ARHGEF28: variants seen among roughly 807,000 people sequenced by gnomAD.
ARHGEF28 encodes 190 kDa guanine nucleotide exchange factor.
In ARHGEF28, 152 loss-of-function variants were observed where a neutral mutation model predicts 206.6. The observed-to-expected ratio is 0.74, with a 90% CI of 0.64 to 0.84. ARHGEF28 has a LOEUF of 0.84. ARHGEF28 is among the 40% of genes least tolerant of loss of function. The probability of loss-of-function intolerance (pLI) is 0.00; values close to 1 mark genes in which losing one functional copy is unlikely to be tolerated. For missense variants in ARHGEF28, 2,028 were observed against 2,073.2 expected (o/e 0.98, Z 0.42); for synonymous variants, 763 against 776.4 (o/e 0.98, Z 0.29).
At chr5:73,656,820 A>G (rs981713295) in intron 1 of ARHGEF28, among the ~76,000 whole-genome samples, 4 of 151,988 alleles carry the variant, frequency 2.6e-5, no homozygotes, top group African/African-American at 9.7e-5. Flanking sequence ...TTCATCTTCT[A>G]TTACTCTCCA....
chr5:73,747,311 A>T (rs1459396420), intron 2 of ARHGEF28, among the ~76,000 whole-genome samples: 1 of 152,184 alleles, frequency 6.6e-6, no homozygotes, highest in Non-Finnish European at 1.5e-5. Flanking sequence ...GCCATATATG[A>T]AATCGGTGGC....
At chr5:73,626,825 C>T (rs554260413) in intron 1 of ARHGEF28, among the ~76,000 whole-genome samples, 4 of 152,200 alleles carry the variant, frequency 2.6e-5, no homozygotes, top group Non-Finnish European at 4.4e-5. Context: ...GAAGCATCTG[C>T]TGTGTTTCAA....
At position 73,892,239 on chromosome 5, in the gene ARHGEF28, T is replaced by G; in HGVS notation, c.3566+9T>G. On this transcript the variant is annotated intron_variant, in intron 27 of 35. Coordinates refer to ENST00000513042, the MANE Select transcript of ARHGEF28 (RefSeq NM_001177693.2). ...CAGCAGGCTGTAGAAAGGTAACATT[T>G]CCTTCCGTCCATAATCTATGGAACA... 6.4e-7 allele frequency: 1 copy of G among 1,554,614 alleles called. No individual in the cohort carries two copies. The highest frequency in any genetic ancestry group is 2.4e-5 in the East Asian group (1 of 41,504).
intron 4 of ARHGEF28, among the ~76,000 whole-genome samples, chr5:73,768,928 T>C (rs1753060781): frequency 2.0e-5 from 3 of 152,002 alleles, no homozygotes; most frequent in Admixed American, 2.0e-4. Flanking sequence ...GTTCTCATGA[T>C]AGTGAATGAG....
chr5:73,867,791 G>T (rs894635740), intron 18 of ARHGEF28, 85 bp from the exon 19 acceptor site: 3 of 1,565,972 alleles, frequency 1.9e-6, no homozygotes, highest in African/African-American at 1.3e-5. Context: ...TCATTGCAGG[G>T]TTTAGCTTTC....
chr5:73,656,635 C>G (rs1352350961), intron 1 of ARHGEF28, among the ~76,000 whole-genome samples: 1 of 152,156 alleles, frequency 6.6e-6, no homozygotes, highest in African/African-American at 2.4e-5. Context: ...TACCCTTGAT[C>G]CCTCTTAGTC....
intron 1 of ARHGEF28, among the ~76,000 whole-genome samples, chr5:73,671,713 T>C (rs1305206695): frequency 7.5e-5 from 1 of 13,380 alleles, no homozygotes; most frequent in Non-Finnish European, 1.4e-4. Context: ...TATATATATA[T>C]ATATATATAT....
intron 2 of ARHGEF28, among the ~76,000 whole-genome samples, chr5:73,697,275 C>T (rs1413854682): frequency 6.6e-6 from 1 of 152,048 alleles, no homozygotes; most frequent in Non-Finnish European, 1.5e-5. Flanking sequence ...CTCTTTTTAC[C>T]CCCTTCTTTA....
intron 9 of ARHGEF28, among the ~76,000 whole-genome samples, chr5:73,802,244 TTAA>T (rs1755183357): frequency 1.0e-5 from 1 of 96,428 alleles, no homozygotes; most frequent in African/African-American, 5.8e-5. Flanking sequence ...TTTTTGAACA[TTAA>T]GAAGAATCAA....
intron 5 of ARHGEF28, among the ~76,000 whole-genome samples, chr5:73,774,663 G>T (rs935433141): frequency 6.6e-6 from 1 of 152,078 alleles, no homozygotes; most frequent in Non-Finnish European, 1.5e-5. Context: ...GTTAATGAGG[G>T]TATCAACACT....
chr5:73,731,519 T>C (rs1750621905), intron 2 of ARHGEF28, among the ~76,000 whole-genome samples: 1 of 152,232 alleles, frequency 6.6e-6, no homozygotes, highest in Non-Finnish European at 1.5e-5. Context: ...CAAGTTACTG[T>C]GTCATAATGT....
Position 73,806,995 on chromosome 5 carries a change from A to G in ARHGEF28, c.1024+11604A>G, listed in dbSNP as rs116630961. On this transcript the variant is annotated intron_variant, in intron 9 of 35. Coordinates refer to ENST00000513042, the MANE Select transcript of ARHGEF28 (RefSeq NM_001177693.2). ...TATAGTCAGTTAAACTTTGCATTTT[A>G]AAATTATTAAGTCTGTGAACAAGTC... 5.1e-3 allele frequency among the ~76,000 whole-genome samples: 757 copies of G among 149,478 alleles called. 7 individuals carry two copies. The highest frequency in any genetic ancestry group is 0.016 in the African/African-American group (657 of 41,002).
chr5:73,904,514 T>C (rs1762446393), intron 33 of ARHGEF28, 109 bp downstream of exon 33: 3 of 1,220,142 alleles, frequency 2.5e-6, no homozygotes. Flanking sequence ...TAGGGAATGA[T>C]CTTAAAAGAA....
At chr5:73,761,416 C>T (rs1192863489) in intron 4 of ARHGEF28, among the ~76,000 whole-genome samples, 4 of 151,774 alleles carry the variant, frequency 2.6e-5, no homozygotes, top group African/African-American at 9.7e-5. Flanking sequence ...GGTTAAAATC[C>T]CCACGATTGA....
chr5:73,916,590 T>C (rs1345303384), intron 35 of ARHGEF28, among the ~76,000 whole-genome samples: 1 of 152,202 alleles, frequency 6.6e-6, no homozygotes, highest in Non-Finnish European at 1.5e-5. Flanking sequence ...AATCTCTCTT[T>C]ATATCAGTGA....
chr5:73,855,852 CAA>C (rs1479433172), intron 14 of ARHGEF28, among the ~76,000 whole-genome samples: 1 of 151,298 alleles, frequency 6.6e-6, no homozygotes, highest in African/African-American at 2.4e-5. Context: ...TCTTCTGTAA[CAA>C]GGGAGTTGGG....
intron 2 of ARHGEF28, among the ~76,000 whole-genome samples, chr5:73,723,980 A>C (rs1286271694): frequency 1.3e-5 from 2 of 152,096 alleles, no homozygotes; most frequent in African/African-American, 4.8e-5. Flanking sequence ...CTTTTCTCTC[A>C]AGCTCCTTGG....
intron 3 of ARHGEF28, among the ~76,000 whole-genome samples, chr5:73,751,254 A>G (rs1010715214): frequency 1.3e-5 from 2 of 152,170 alleles, no homozygotes; most frequent in Non-Finnish European, 2.9e-5. Flanking sequence ...TATTACAAAT[A>G]TAAAAATTAG....
chr5:73,691,686 T>A (rs78467911), intron 2 of ARHGEF28, among the ~76,000 whole-genome samples: 1,576 of 152,314 alleles, frequency 0.01, 21 homozygotes, highest in African/African-American at 0.036. Flanking sequence ...AGTAGAAGGA[T>A]CATATTATGT....
Sources: gnomAD v4.1 joint callset for allele counts (sites outside exome capture counted in the v4.1 genomes callset) on GRCh38, gnomAD v4.1.1 for gene constraint, MANE v1.5 for transcripts, NCBI Gene and HGNC (gene_info 2026-07-23, HGNC 2026-07-21) for gene names.